The following GPC6 variants were observed in gnomAD, a reference collection of about 807,000 sequenced individuals.
GPC6 encodes the protein glypican 6.
GPC6 carries 14 observed loss-of-function variants against 55.2 expected under a neutral mutation model. The observed-to-expected ratio is 0.25, with a 90% CI of 0.17 to 0.40. The LOEUF is 0.40. Among genes scored for constraint, GPC6 ranks in the 10% least tolerant of loss-of-function variants. The pLI is 1.00. For missense variants in GPC6, 641 were observed against 708.5 expected (o/e 0.90, Z 1.08); for synonymous variants, 278 against 259.6 (o/e 1.07, Z -0.68).
At chr13:93,705,495 T>C (rs758375909) in intron 2 of GPC6, among the ~76,000 whole-genome samples, 9 of 151,856 alleles carry the variant, frequency 5.9e-5, no homozygotes, top group Non-Finnish European at 1.2e-4. Context: ...GGTGAGAAAA[T>C]TCGTCTTCAG....
At chr13:94,210,125 G>A in intron 4 of GPC6, among the ~76,000 whole-genome samples, 1 of 151,752 alleles carries the variant, frequency 6.6e-6, no homozygotes, top group East Asian at 1.9e-4. Context: ...TGGGATTACA[G>A]GCATGAGCAA....
rs367949345 is a variant in GPC6 at position 93,833,107 on chromosome 13, TAGAGAGAGAGAGAGAGAGAGAGAGAGAG to T, written c.711+2586_711+2613del. 1.8e-5 allele frequency among the ~76,000 whole-genome samples: 2 copies of T among 109,072 alleles called. 1 individual carries two copies. Among genetic ancestry groups the T allele is most frequent in the Middle Eastern group, 0.01 (2 of 194 alleles). The allele number at this position is 109,072 out of a possible 152,430, so 71.6% of individuals were successfully genotyped here. Reference sequence around the variant, plus strand: ...GATGGATGGGTAGATAGGTAGATGATAGAGAGAGAGAGAGAGAGAGAGAGAGAGAGAGAGAGAGAGAGAGAGAGAGATG... The same window carrying T: ...GATGGATGGGTAGATAGGTAGATGATAGAGAGAGAGAGAGAGAGAGAGATG... On this transcript the variant is annotated intron_variant, in intron 3 of 8. Transcript: ENST00000377047.
chr13:94,194,628 A>G (rs1566528329), intron 4 of GPC6, among the ~76,000 whole-genome samples: 5 of 152,178 alleles, frequency 3.3e-5, no homozygotes, highest in Admixed American at 2.0e-4. Flanking sequence ...GGCGAGGGAT[A>G]AAAAACAACA....
At chr13:93,899,348 A>G (rs975914527) in intron 3 of GPC6, among the ~76,000 whole-genome samples, 2 of 152,072 alleles carry the variant, frequency 1.3e-5, no homozygotes, top group African/African-American at 2.4e-5. Context: ...AGTGGCTAAG[A>G]TCAGCGTAAG....
chr13:93,527,503 T>G (rs929680049), intron 1 of GPC6, among the ~76,000 whole-genome samples: 1 of 152,144 alleles, frequency 6.6e-6, no homozygotes, highest in Admixed American at 6.6e-5. Flanking sequence ...TCACACAAAT[T>G]ATTTAATGAT....
chr13:93,386,165 C>T (rs568792094), intron 1 of GPC6, among the ~76,000 whole-genome samples: 18 of 148,604 alleles, frequency 1.2e-4, no homozygotes, highest in East Asian at 2.0e-4. Context: ...CCTTTTATTA[C>T]TCTGTAATTT....
At chr13:94,131,743 A>G (rs1887009136) in intron 4 of GPC6, among the ~76,000 whole-genome samples, 1 of 152,144 alleles carries the variant, frequency 6.6e-6, no homozygotes, top group Non-Finnish European at 1.5e-5. Flanking sequence ...CAAGTTATGA[A>G]CATTGATGAT....
At chr13:94,058,982 C>T (rs1352325675) in intron 4 of GPC6, among the ~76,000 whole-genome samples, 129 of 152,236 alleles carry the variant, frequency 8.5e-4, no homozygotes, top group Middle Eastern at 3.4e-3. Flanking sequence ...GAATTTTAAG[C>T]ACAAGGGTTA....
intron 1 of GPC6, among the ~76,000 whole-genome samples, chr13:93,291,358 T>C (rs1008641591): frequency 7.2e-5 from 11 of 152,078 alleles, no homozygotes; most frequent in Admixed American, 7.2e-4. Context: ...TTTTCTATAT[T>C]TAAGTGTGGT....
At chr13:94,353,524 A>G (rs1042099980) in intron 6 of GPC6, among the ~76,000 whole-genome samples, 1 of 152,128 alleles carries the variant, frequency 6.6e-6, no homozygotes, top group Non-Finnish European at 1.5e-5. Context: ...AGGCCTCTCC[A>G]CTAATTAACA....
chr13:93,955,243 G>GCACA (rs10524254), intron 3 of GPC6, among the ~76,000 whole-genome samples: 171 of 136,262 alleles, frequency 1.3e-3, no homozygotes, highest in Middle Eastern at 3.8e-3. Context: ...GAATGAACAT[G>GCACA]CACACACACA....
At chr13:94,376,698 A>G (rs1316482388) in intron 6 of GPC6, among the ~76,000 whole-genome samples, 1 of 152,152 alleles carries the variant, frequency 6.6e-6, no homozygotes, top group Non-Finnish European at 1.5e-5. Context: ...GGAAAAAACT[A>G]CTTTAAAGTT....
chr13:93,863,354 A>C (rs1288144713), intron 3 of GPC6, among the ~76,000 whole-genome samples: 1 of 151,742 alleles, frequency 6.6e-6, no homozygotes, highest in Admixed American at 6.6e-5. Context: ...AATATTTACT[A>C]TCAAGTTCTT....
intron 3 of GPC6, among the ~76,000 whole-genome samples, chr13:93,905,564 T>C (rs951555738): frequency 1.3e-5 from 2 of 152,250 alleles, no homozygotes; most frequent in African/African-American, 2.4e-5. Flanking sequence ...AACTTGCATC[T>C]ATCTGATTCT....
At chr13:93,509,868 ATAGT>A (rs1321526795) in intron 1 of GPC6, among the ~76,000 whole-genome samples, 1 of 152,172 alleles carries the variant, frequency 6.6e-6, no homozygotes, top group Non-Finnish European at 1.5e-5. Context: ...GTTTTGCATA[ATAGT>A]TAGGACAGCT....
At chr13:94,252,217 A>T (rs571223630) in intron 4 of GPC6, among the ~76,000 whole-genome samples, 30 of 152,244 alleles carry the variant, frequency 2.0e-4, no homozygotes, top group Middle Eastern at 6.8e-3. Flanking sequence ...TAAAACCTTG[A>T]TTTAGAAGCA....
At chr13:93,789,616 T>TATATATATAATACTAC (rs1885956397) in intron 2 of GPC6, among the ~76,000 whole-genome samples, 4 of 31,046 alleles carry the variant, frequency 1.3e-4, no homozygotes, top group African/African-American at 3.5e-4. Context: ...TATATATATA[T>TATATATATAATACTAC]ATATATATAT....
intron 2 of GPC6, among the ~76,000 whole-genome samples, chr13:93,756,068 A>G (rs374617661): frequency 1.1e-4 from 17 of 152,174 alleles, no homozygotes; most frequent in African/African-American, 4.1e-4. Flanking sequence ...TTGGCATTCT[A>G]TCTCTATTTC....
At chr13:94,286,114 T>G (rs1403992563) in intron 4 of GPC6, among the ~76,000 whole-genome samples, 6 of 152,254 alleles carry the variant, frequency 3.9e-5, no homozygotes, top group Non-Finnish European at 7.3e-5. Flanking sequence ...GCATTTGGAC[T>G]AATTTTCTTA....
Sources: gnomAD v4.1 joint callset for allele counts (sites outside exome capture counted in the v4.1 genomes callset) on GRCh38, gnomAD v4.1.1 for gene constraint, MANE v1.5 for transcripts, NCBI Gene and HGNC (gene_info 2026-07-23, HGNC 2026-07-21) for gene names.